The following DHRSX variants were observed in gnomAD, a reference collection of about 807,000 sequenced individuals.
DHRSX encodes dehydrogenase/reductase X-linked.
DHRSX carries 31 observed loss-of-function variants against 34.0 expected under a neutral mutation model. The observed-to-expected ratio is 0.91, with a 90% CI of 0.69 to 1.23. The LOEUF is 1.23. Among genes scored for constraint, DHRSX ranks in the 50% most tolerant of loss-of-function variants. The pLI is 0.00. For synonymous variants in DHRSX, 201 were observed against 183.8 expected (o/e 1.09, Z -0.76); for missense variants, 414 against 428.1 (o/e 0.97, Z 0.29).
At position 2,310,966 on chromosome X, in the gene DHRSX, C is replaced by G. The variant is rs144443832; in HGVS notation, c.287-19363G>C. Among the ~76,000 whole-genome samples, 1,130 of 151,364 alleles carry G rather than the reference C, an allele frequency of 7.5e-3. 10 individuals are homozygous for G. Among genetic ancestry groups the G allele is most frequent in the African/African-American group, 0.026 (1,063 of 41,208 alleles). ...ATCCCAGCTACTCGGGAGGCTGAGG[C>G]AGGAGAATCGCTTGAATCCGGGAGG... On this transcript the variant is annotated intron_variant, in intron 3 of 6. Coordinates refer to ENST00000334651, the MANE Select transcript of DHRSX (RefSeq NM_145177.3).
At chrX:2,468,933 T>C (rs1157295191) in intron 1 of DHRSX, among the ~76,000 whole-genome samples, 1 of 150,958 alleles carries the variant, frequency 6.6e-6, no homozygotes, top group Non-Finnish European at 1.5e-5. Context: ...ACTGAAGACG[T>C]TCCCTAAGTA....
chrX:2,344,938 C>T (rs1206131759), intron 3 of DHRSX, among the ~76,000 whole-genome samples: 1 of 133,122 alleles, frequency 7.5e-6, no homozygotes, highest in African/African-American at 2.8e-5. Context: ...AATAAAATTT[C>T]AAATTAATGA....
chrX:2,308,317 T>C (rs1022001697), intron 3 of DHRSX, among the ~76,000 whole-genome samples: 2 of 152,110 alleles, frequency 1.3e-5, no homozygotes, highest in East Asian at 3.9e-4. Context: ...AAAGGTGATG[T>C]CTGTATCTTG....
chrX:2,371,625 C>T (rs2043071419), intron 3 of DHRSX, among the ~76,000 whole-genome samples: 1 of 151,544 alleles, frequency 6.6e-6, no homozygotes, highest in African/African-American at 2.4e-5. Context: ...ACCAGTCCTT[C>T]CTCCTCCCGT....
chrX:2,301,492 C>T (rs2042008733), intron 3 of DHRSX, among the ~76,000 whole-genome samples: 1 of 152,188 alleles, frequency 6.6e-6, no homozygotes, highest in Non-Finnish European at 1.5e-5. Flanking sequence ...CACGAGGTGT[C>T]TCTGGAAGCA....
intron 3 of DHRSX, among the ~76,000 whole-genome samples, chrX:2,301,077 A>G (rs2042003166): frequency 6.6e-6 from 1 of 152,332 alleles, no homozygotes; most frequent in South Asian, 2.1e-4. Context: ...CAGCCAAAAT[A>G]TTCAGAAGAT....
chrX:2,425,076 G>T, intron 2 of DHRSX, 121 bp downstream of exon 2: 1 of 715,606 alleles, frequency 1.4e-6, no homozygotes, highest in South Asian at 1.8e-5. Flanking sequence ...GGAGGTGGAG[G>T]CTGCAGTGAG....
At chrX:2,420,514 G>A (rs1191934955) in intron 2 of DHRSX, among the ~76,000 whole-genome samples, 3 of 151,970 alleles carry the variant, frequency 2.0e-5, no homozygotes, top group Non-Finnish European at 4.4e-5. Flanking sequence ...GGAGGCTGAG[G>A]CAGGTGGATC....
intron 5 of DHRSX, among the ~76,000 whole-genome samples, chrX:2,262,868 A>G (rs1198252077): frequency 6.6e-6 from 1 of 152,160 alleles, no homozygotes; most frequent in East Asian, 1.9e-4. Context: ...CAGGAGCTCA[A>G]TTCGACAAAA....
chrX:2,294,678 GAGAC>G (rs1240394071), intron 3 of DHRSX, among the ~76,000 whole-genome samples: 12 of 132,172 alleles, frequency 9.1e-5, no homozygotes, highest in African/African-American at 3.2e-4. Context: ...AAAAAAAAAA[GAGAC>G]AGAAAGAGGC....
At chrX:2,398,059 G>A (rs895316081) in intron 3 of DHRSX, among the ~76,000 whole-genome samples, 30 of 150,976 alleles carry the variant, frequency 2.0e-4, no homozygotes, top group Non-Finnish European at 3.7e-4. Flanking sequence ...TATATTCAGG[G>A]TCTGGAGAAG....
intron 1 of DHRSX, among the ~76,000 whole-genome samples, chrX:2,492,236 G>A (rs191320006): frequency 6.6e-6 from 1 of 152,322 alleles, no homozygotes; most frequent in African/African-American, 2.4e-5. Context: ...CTTTAGATGA[G>A]ATTATTCTCA....
At chrX:2,310,940 A>C (rs1429308447) in intron 3 of DHRSX, among the ~76,000 whole-genome samples, 3 of 151,994 alleles carry the variant, frequency 2.0e-5, no homozygotes, top group African/African-American at 7.2e-5. Context: ...GGGCACCTGT[A>C]ATCCCAGCTA....
intron 5 of DHRSX, among the ~76,000 whole-genome samples, chrX:2,256,088 C>T (rs1033317680): frequency 4.1e-5 from 6 of 148,056 alleles, no homozygotes; most frequent in East Asian, 4.0e-4. Flanking sequence ...TCCACCTCCC[C>T]GGTTCAAGCA....
rs753736806 is a variant in DHRSX, at chrX:2,327,679, G to A, written c.287-36076C>T. Among the ~76,000 whole-genome samples the A allele has an allele frequency of 2.6e-5, 4 of 152,270 alleles. No homozygotes were observed. In the South Asian group the frequency reaches 8.3e-4, roughly 32 times the overall value. On this transcript the variant is annotated intron_variant, in intron 3 of 6. Coordinates refer to ENST00000334651, the MANE Select transcript of DHRSX (RefSeq NM_145177.3). ...CCCTATGTTAAAGCCCTAACGCCCA[G>A]GACCTCAGAATGTCACCATATTTGG...
chrX:2,476,687 C>T (rs1255176240), intron 1 of DHRSX, among the ~76,000 whole-genome samples: 1 of 152,110 alleles, frequency 6.6e-6, no homozygotes, highest in Non-Finnish European at 1.5e-5. Flanking sequence ...ACATACACCA[C>T]AGAATACTAT....
At chrX:2,394,605 C>G (rs747406652) in intron 3 of DHRSX, among the ~76,000 whole-genome samples, 1 of 152,172 alleles carries the variant, frequency 6.6e-6, no homozygotes, top group East Asian at 1.9e-4. Context: ...CAGTGGCTCA[C>G]GCCTGTAATC....
At position 2,220,088 on chromosome X, in the gene DHRSX, G is replaced by A. The variant is rs2015490094; in HGVS notation, c.*953C>T. The A allele has an allele frequency of 6.6e-6, 1 of 152,154 alleles. No homozygotes were observed. The highest frequency in any genetic ancestry group is 6.5e-5 in the Admixed American group (1 of 15,270). 9.4% of individuals were successfully genotyped at this position (152,154 alleles called of 1,614,324 possible). ...CTGGGGACCAGAAGTCTAAAGTCAA[G>A]ACGTCAGAGGGGCCAAGATTGCTCT... On this transcript the variant is annotated 3_prime_UTR_variant, in exon 7 of 7. Coordinates refer to ENST00000334651, the MANE Select transcript of DHRSX (RefSeq NM_145177.3).
chrX:2,425,382 G>A, intron 1 of DHRSX, 78 bp from the exon 2 acceptor site: 1 of 1,237,832 alleles, frequency 8.1e-7, no homozygotes, highest in East Asian at 2.3e-5. Context: ...AGCCTCCAGA[G>A]AGGCAAGATG....
Sources: allele counts gnomAD v4.1 joint callset (sites outside exome capture counted in the v4.1 genomes callset), GRCh38; gene constraint gnomAD v4.1.1; transcripts MANE v1.5; gene names NCBI Gene and HGNC (gene_info 2026-07-23, HGNC 2026-07-21).